RALGPS1: variants seen among roughly 807,000 people sequenced by gnomAD.
RALGPS1 encodes the protein Ral GEF with PH domain and SH3 binding motif 1.
A neutral mutation model predicts 78.8 loss-of-function variants in RALGPS1; 19 were observed. That is an observed-to-expected ratio of 0.24 (90% CI 0.17 to 0.35). The LOEUF (loss-of-function observed/expected upper bound fraction) is 0.35. RALGPS1 is among the 10% of genes least tolerant of loss of function. The pLI is 1.00. For synonymous variants in RALGPS1, 228 were observed against 256.3 expected (o/e 0.89, Z 1.06); for missense variants, 454 against 688.3 (o/e 0.66, Z 3.81).
intron 1 of RALGPS1, among the ~76,000 whole-genome samples, chr9:126,933,953 C>T (rs1368724753): frequency 2.6e-5 from 4 of 152,096 alleles, no homozygotes; most frequent in East Asian, 1.9e-4. Flanking sequence ...GGCCTTGGCT[C>T]GGTTTTTGGC....
At chr9:127,030,294 G>T (rs2046318458) in intron 4 of RALGPS1, among the ~76,000 whole-genome samples, 1 of 152,152 alleles carries the variant, frequency 6.6e-6, no homozygotes, top group Non-Finnish European at 1.5e-5. Flanking sequence ...AAATATAGAA[G>T]AATGTAGAAG....
rs1173635849 is a variant in RALGPS1, at chr9:127,218,005, G to T, written c.1645-735G>T. ...ATGACCATTCTTATAACTGTCTCCT[G>T]GTACATGGAGATGCATTTTTTTCCT... is the stretch of plus-strand genomic sequence containing the variant. On this transcript the variant is annotated intron_variant, in intron 18 of 18. Transcript: ENST00000259351. This position sits in a 1 kb window ranked among gnomAD's most constrained non-coding sequence, Gnocchi z 4.4. 1.3e-5 allele frequency among the ~76,000 whole-genome samples: 2 copies of T among 152,110 alleles called. No homozygotes were observed. Among genetic ancestry groups the T allele is most frequent in the Non-Finnish European group, 2.9e-5 (2 of 68,034 alleles).
chr9:126,952,177 T>C (rs370283185), intron 1 of RALGPS1, among the ~76,000 whole-genome samples: 3 of 152,306 alleles, frequency 2.0e-5, no homozygotes, highest in South Asian at 2.1e-4. Flanking sequence ...GAGGATCCTG[T>C]CTCTAAAGCC....
chr9:127,045,986 A>G (rs1204814696), intron 5 of RALGPS1, among the ~76,000 whole-genome samples: 2 of 152,356 alleles, frequency 1.3e-5, no homozygotes, highest in Middle Eastern at 6.8e-3. Flanking sequence ...AGCCTGTTGC[A>G]TATTGTATTG....
intron 8 of RALGPS1, among the ~76,000 whole-genome samples, chr9:127,081,853 C>T (rs1353012848): frequency 6.6e-6 from 1 of 152,202 alleles, no homozygotes; most frequent in East Asian, 1.9e-4. Flanking sequence ...GGCCCACCCA[C>T]CTAGGAGGTG....
chr9:127,125,885 A>G (rs2056577858), intron 8 of RALGPS1, among the ~76,000 whole-genome samples: 2 of 152,238 alleles, frequency 1.3e-5, no homozygotes, highest in Non-Finnish European at 2.9e-5. Context: ...CTTCATGTAA[A>G]TGACACAATT....
intron 8 of RALGPS1, among the ~76,000 whole-genome samples, chr9:127,147,552 G>A (rs1438324460): frequency 6.6e-6 from 1 of 152,144 alleles, no homozygotes; most frequent in African/African-American, 2.4e-5. Flanking sequence ...GCTCATTTTT[G>A]TGTATGGTGA....
At chr9:127,175,406 G>A (rs1339231173) in intron 11 of RALGPS1, among the ~76,000 whole-genome samples, 1 of 152,220 alleles carries the variant, frequency 6.6e-6, no homozygotes, top group Non-Finnish European at 1.5e-5. Flanking sequence ...ATGCCTGCCT[G>A]TAAAGTGCTC....
intron 8 of RALGPS1, among the ~76,000 whole-genome samples, chr9:127,075,096 C>A (rs1021403059): frequency 1.3e-5 from 2 of 152,206 alleles, no homozygotes; most frequent in African/African-American, 4.8e-5. Flanking sequence ...CCCCCCATGT[C>A]CTTGATCACC....
intron 10 of RALGPS1, 57 bp downstream of exon 10, chr9:127,168,829 C>T (rs554696193): frequency 7.0e-7 from 1 of 1,420,078 alleles, no homozygotes; most frequent in Admixed American, 1.7e-5. Flanking sequence ...GTCCTTAGTG[C>T]TCAGGTCCCT....
chr9:127,157,116 A>C (rs1450365841), intron 8 of RALGPS1, among the ~76,000 whole-genome samples: 1 of 152,066 alleles, frequency 6.6e-6, no homozygotes, highest in Admixed American at 6.5e-5. Context: ...GCATCACAGC[A>C]CATTTTATAA....
chr9:126,935,438 A>G (rs1210817376), intron 1 of RALGPS1, among the ~76,000 whole-genome samples: 19 of 152,218 alleles, frequency 1.2e-4, no homozygotes, highest in Admixed American at 1.2e-3. Context: ...TAGGTGCTTC[A>G]GTTTAGGTAG....
chr9:126,932,739 A>G (rs1404618898), intron 1 of RALGPS1, among the ~76,000 whole-genome samples: 1 of 152,150 alleles, frequency 6.6e-6, no homozygotes, highest in Non-Finnish European at 1.5e-5. Context: ...AAAATGTTAT[A>G]AAAACATTTT....
rs116654953 is a variant in RALGPS1, at chr9:127,055,750, C to T, written c.483+2811C>T. On this transcript the variant is annotated intron_variant, in intron 7 of 18. Coordinates refer to ENST00000259351, the MANE Select transcript of RALGPS1 (RefSeq NM_014636.3). ...ACAAAAAAGACAATTCCAGCTTACT[C>T]CCTGTCAGCCAAAACAAGAGAGGGG... 8.0e-3 allele frequency among the ~76,000 whole-genome samples: 1,211 copies of T among 152,312 alleles called. 23 individuals carry two copies. The highest frequency in any genetic ancestry group is 0.028 in the African/African-American group (1,145 of 41,560).
At chr9:126,920,456 T>A (rs1294930372) in intron 1 of RALGPS1, among the ~76,000 whole-genome samples, 1 of 152,110 alleles carries the variant, frequency 6.6e-6, no homozygotes, top group East Asian at 1.9e-4. Context: ...AATGGACAAG[T>A]CTGGAATGAG....
intron 8 of RALGPS1, among the ~76,000 whole-genome samples, chr9:127,078,595 T>G (rs985765730): frequency 1.2e-4 from 18 of 152,288 alleles, no homozygotes; most frequent in African/African-American, 4.3e-4. Flanking sequence ...AGGTGGAAAG[T>G]CTTGTTTTCC....
chr9:127,148,709 G>A (rs1185953393), intron 8 of RALGPS1, among the ~76,000 whole-genome samples: 1 of 152,164 alleles, frequency 6.6e-6, no homozygotes, highest in African/African-American at 2.4e-5. Context: ...AGGGCTCCCA[G>A]GCCATGGAGA....
intron 8 of RALGPS1, among the ~76,000 whole-genome samples, chr9:127,117,688 C>T (rs1175340647): frequency 6.6e-6 from 1 of 152,210 alleles, no homozygotes; most frequent in Non-Finnish European, 1.5e-5. Context: ...AGAGCCTGGG[C>T]CTGAGGCTTG....
intron 4 of RALGPS1, among the ~76,000 whole-genome samples, chr9:127,006,951 GAGAA>G (rs796642879): frequency 4.6e-5 from 7 of 152,088 alleles, no homozygotes; most frequent in East Asian, 1.9e-4. Context: ...AGAGGAGAGA[GAGAA>G]AGAGAGGAGG....
Sources: gnomAD v4.1 joint callset for allele counts (sites outside exome capture counted in the v4.1 genomes callset) on GRCh38, gnomAD v4.1.1 for gene constraint, Gnocchi (gnomAD v3.1) non-coding constraint, MANE v1.5 for transcripts, NCBI Gene and HGNC (gene_info 2026-07-23, HGNC 2026-07-21) for gene names.